CCDC7: variants seen among roughly 807,000 people sequenced by gnomAD.
CCDC7 encodes the protein coiled-coil domain-containing protein 7.
A neutral mutation model predicts 196.9 loss-of-function variants in CCDC7; 183 were observed. That is an observed-to-expected ratio of 0.93 (90% CI 0.82 to 1.05). The LOEUF (loss-of-function observed/expected upper bound fraction) is 1.05, where lower values mean the gene tolerates loss of function less well. Ranked by LOEUF, CCDC7 falls within the 50% of genes least tolerant of loss-of-function variation. The probability of loss-of-function intolerance (pLI) is 0.00; values close to 1 mark genes in which losing one functional copy is unlikely to be tolerated. For synonymous variants in CCDC7, 525 were observed against 484.6 expected (o/e 1.08, Z -1.10); for missense variants, 1,540 against 1,482.2 (o/e 1.04, Z -0.64).
intron 9 of CCDC7, among the ~76,000 whole-genome samples, chr10:32,504,961 A>G (rs896081218): frequency 6.6e-6 from 1 of 152,164 alleles, no homozygotes; most frequent in African/African-American, 2.4e-5. Context: ...TTCCGTATTC[A>G]TTTGTTGTCT....
At chr10:32,828,416 G>GAGAAGAAGA (rs1555179191) in intron 32 of CCDC7, among the ~76,000 whole-genome samples, 1 of 100,658 alleles carries the variant, frequency 9.9e-6, no homozygotes, top group African/African-American at 4.0e-5. Context: ...GAAGGAGAAG[G>GAGAAGAAGA]AGAAGAAGAA....
intron 16 of CCDC7, among the ~76,000 whole-genome samples, chr10:32,578,235 G>A (rs2058412196): frequency 6.6e-6 from 1 of 152,030 alleles, no homozygotes; most frequent in South Asian, 2.1e-4. Flanking sequence ...ATCGTTTGTG[G>A]TTGGGACTGG....
At chr10:32,480,057 T>C (rs1478463208) in intron 8 of CCDC7, among the ~76,000 whole-genome samples, 1 of 152,104 alleles carries the variant, frequency 6.6e-6, no homozygotes, top group Admixed American at 6.6e-5. Flanking sequence ...TGTCTCTTCT[T>C]TCTTTTCCAA....
At position 32,610,435 on chromosome 10, in the gene CCDC7, A is replaced by G. The variant is rs993933519; in HGVS notation, c.1802-23819A>G. ...TTCTTTATTATTATTATTATTTTTT[A>G]TTGTACTTAAAGTTCTGGGATACAT... On this transcript the variant is annotated intron_variant, in intron 18 of 41. Transcript: ENST00000639629. Among the ~76,000 whole-genome samples the G allele has an allele frequency of 3.1e-4, 47 of 151,892 alleles. 1 individual carries two copies. Among genetic ancestry groups the G allele is most frequent in the Non-Finnish European group, 1.5e-5 (1 of 67,958 alleles).
intron 9 of CCDC7, among the ~76,000 whole-genome samples, chr10:32,495,369 T>G (rs932472242): frequency 2.6e-5 from 4 of 152,240 alleles, no homozygotes; most frequent in Admixed American, 2.6e-4. Flanking sequence ...TAGTTTCTTT[T>G]GCTGTGCAGA....
At chr10:32,612,876 C>CT (rs140675215) in intron 18 of CCDC7, among the ~76,000 whole-genome samples, 2,856 of 143,250 alleles carry the variant, frequency 0.02, 97 homozygotes, top group African/African-American at 0.072. Flanking sequence ...CTGAAATTTT[C>CT]TTTGTTTTTT....
At chr10:32,664,562 A>T (rs900023010) in intron 21 of CCDC7, among the ~76,000 whole-genome samples, 1 of 152,066 alleles carries the variant, frequency 6.6e-6, no homozygotes, top group African/African-American at 2.4e-5. Context: ...TTGACTTTTT[A>T]AAACTCCTCA....
At chr10:32,713,430 T>C (rs1369689036) in intron 25 of CCDC7, among the ~76,000 whole-genome samples, 1 of 152,210 alleles carries the variant, frequency 6.6e-6, no homozygotes, top group Non-Finnish European at 1.5e-5. Flanking sequence ...TACTAACCCC[T>C]AGTCATGCTT....
chr10:32,742,288 A>C (rs1035441015), intron 28 of CCDC7, among the ~76,000 whole-genome samples: 1 of 152,130 alleles, frequency 6.6e-6, no homozygotes, highest in African/African-American at 2.4e-5. Context: ...CACTGTCAGC[A>C]TCCTGCACCA....
chr10:32,649,576 G>A (rs1468121532), intron 20 of CCDC7, among the ~76,000 whole-genome samples: 5 of 152,188 alleles, frequency 3.3e-5, no homozygotes, highest in African/African-American at 1.2e-4. Flanking sequence ...TCTAGCAAGA[G>A]TAGGAAAATA....
intron 16 of CCDC7, among the ~76,000 whole-genome samples, chr10:32,579,409 A>G (rs1257803555): frequency 2.6e-5 from 4 of 152,188 alleles, no homozygotes; most frequent in Non-Finnish European, 4.4e-5. Context: ...ATCAATAGAT[A>G]ATTATCCAAC....
intron 11 of CCDC7, among the ~76,000 whole-genome samples, chr10:32,535,744 C>T (rs1354877870): frequency 1.3e-5 from 2 of 152,138 alleles, no homozygotes; most frequent in Non-Finnish European, 2.9e-5. Flanking sequence ...CAGCTAATCT[C>T]TTCAAGGTTG....
chr10:32,535,294 T>G (rs1179988638), intron 11 of CCDC7, among the ~76,000 whole-genome samples: 1 of 152,140 alleles, frequency 6.6e-6, no homozygotes, highest in Non-Finnish European at 1.5e-5. Context: ...AACCACCTAA[T>G]GCCTTAATAG....
At chr10:32,735,737 A>G (rs946431583) in intron 28 of CCDC7, among the ~76,000 whole-genome samples, 22 of 152,322 alleles carry the variant, frequency 1.4e-4, no homozygotes, top group Middle Eastern at 6.8e-3. Context: ...CTAAAATGCC[A>G]TCACCAAATT....
At chr10:32,638,275 G>A (rs2066033340) in intron 20 of CCDC7, among the ~76,000 whole-genome samples, 1 of 152,174 alleles carries the variant, frequency 6.6e-6, no homozygotes, top group East Asian at 1.9e-4. Flanking sequence ...AAGTTGAATA[G>A]GAGTCGTGAG....
chr10:32,824,752 A>G (rs2090867593), intron 32 of CCDC7, 148 bp downstream of exon 33: 2 of 522,902 alleles, frequency 3.8e-6, no homozygotes, highest in Non-Finnish European at 6.8e-6. Flanking sequence ...GTTGAACTCT[A>G]GTATTATTCT....
intron 14 of CCDC7, 70 bp from the exon 16 acceptor site, chr10:32,567,600 C>A: frequency 6.8e-7 from 1 of 1,479,160 alleles, no homozygotes; most frequent in Non-Finnish European, 9.0e-7. Context: ...TATGTAGATT[C>A]CTGAATGTGG....
chr10:32,847,993 A>T, intron 38 of CCDC7, 77 bp downstream of exon 39: 2 of 847,096 alleles, frequency 2.4e-6, no homozygotes, highest in Admixed American at 2.4e-5. Context: ...TAATGATAAC[A>T]GTACCTATAT....
intron 18 of CCDC7, among the ~76,000 whole-genome samples, chr10:32,589,748 A>G (rs1173599787): frequency 6.6e-6 from 1 of 152,128 alleles, no homozygotes; most frequent in Non-Finnish European, 1.5e-5. Context: ...GGGTGCATAT[A>G]TATTTACAAT....
Sources: allele counts gnomAD v4.1 joint callset (sites outside exome capture counted in the v4.1 genomes callset), GRCh38; gene constraint gnomAD v4.1.1; transcripts MANE v1.5; gene names NCBI Gene and HGNC (gene_info 2026-07-23, HGNC 2026-07-21).